NHSL1: variants seen among roughly 807,000 people sequenced by gnomAD.
NHSL1 encodes the protein NHS-like protein 1.
NHSL1 carries 48 observed loss-of-function variants against 95.0 expected under a neutral mutation model. The observed-to-expected ratio is 0.51, with a 90% CI of 0.40 to 0.64. The LOEUF (loss-of-function observed/expected upper bound fraction) is 0.64. Among genes scored for constraint, NHSL1 ranks in the 30% least tolerant of loss-of-function variants. The pLI, the probability that NHSL1 is intolerant of heterozygous loss-of-function variation, is 0.00. For synonymous variants in NHSL1, 783 were observed against 833.9 expected (o/e 0.94, Z 1.05); for missense variants, 1,971 against 2,077.7 (o/e 0.95, Z 1.00).
chr6:138,636,780 A>C (rs1222787964), intron 1 of NHSL1, among the ~76,000 whole-genome samples: 1 of 152,206 alleles, frequency 6.6e-6, no homozygotes, highest in Non-Finnish European at 1.5e-5. Flanking sequence ...AAAATGGAAA[A>C]ATATTCCACG....
intron 2 of NHSL1, among the ~76,000 whole-genome samples, chr6:138,482,476 A>G (rs187744395): frequency 6.6e-6 from 1 of 151,758 alleles, no homozygotes; most frequent in Admixed American, 6.5e-5. Context: ...AGGAGGATGA[A>G]AGTTATCTAG....
intron 3 of NHSL1, among the ~76,000 whole-genome samples, chr6:138,462,785 C>A (rs1044777075): frequency 1.3e-5 from 2 of 152,138 alleles, no homozygotes; most frequent in Non-Finnish European, 2.9e-5. Flanking sequence ...ACCAATCAGG[C>A]TTTAGTGCAA....
At chr6:138,679,179 T>C (rs1190878248) in intron 1 of NHSL1, among the ~76,000 whole-genome samples, 1 of 152,134 alleles carries the variant, frequency 6.6e-6, no homozygotes, top group African/African-American at 2.4e-5. Context: ...ACAGACCCCA[T>C]ATGTTGCCAA....
chr6:138,456,106 T>C (rs1199847638), intron 3 of NHSL1, among the ~76,000 whole-genome samples: 2 of 152,226 alleles, frequency 1.3e-5, no homozygotes, highest in Admixed American at 6.5e-5. Context: ...AGGGTAACTA[T>C]GTAATTTTAT....
In NHSL1 at chr6:138,448,843, G is replaced by A. The variant is rs185132436; in HGVS notation, c.340-1650C>T. Among the ~76,000 whole-genome samples the A allele has an allele frequency of 1.7e-3, 252 of 152,116 alleles. 2 individuals are homozygous for A. Among genetic ancestry groups the A allele is most frequent in the African/African-American group, 5.6e-3 (233 of 41,494 alleles). ...CGAGGTGGGCGGATCACCTGAGGAC[G>A]GGAGCTTGAGACCAGCCTGAGCAAC... is the stretch of plus-strand genomic sequence containing the variant. On this transcript the variant is annotated intron_variant, in intron 3 of 7. Coordinates refer to ENST00000343505, the MANE Select transcript of NHSL1 (RefSeq NM_001144060.2).
chr6:138,615,616 G>A lies in NHSL1; in HGVS notation c.96+76860C>T, dbSNP rs143034891. 2.5e-3 allele frequency among the ~76,000 whole-genome samples: 383 copies of A among 152,296 alleles called. 1 individual carries two copies. The highest frequency in any genetic ancestry group is 0.014 in the South Asian group (68 of 4,818). On this transcript the variant is annotated intron_variant, in intron 1 of 3. Transcript: ENST00000491526. ...CTCCTGAGTAGCTAGGACTACAGGC[G>A]CATGCCACCATGCCTGGCTAATTTT... is the stretch of plus-strand genomic sequence containing the variant.
intron 3 of NHSL1, among the ~76,000 whole-genome samples, chr6:138,462,862 A>G (rs1377996449): frequency 1.3e-5 from 2 of 152,238 alleles, no homozygotes; most frequent in African/African-American, 4.8e-5. Flanking sequence ...AGAAGAAAGG[A>G]GCCAGCAGAG....
At chr6:138,429,515 C>T (rs1404903345) in intron 7 of NHSL1, among the ~76,000 whole-genome samples, 196 bp downstream of exon 7, 1 of 152,128 alleles carries the variant, frequency 6.6e-6, no homozygotes, top group Non-Finnish European at 1.5e-5. Flanking sequence ...TCATAAAAAT[C>T]AGTGAGACAA....
intron 1 of NHSL1, among the ~76,000 whole-genome samples, chr6:138,524,649 C>T (rs1409018814): frequency 6.6e-6 from 1 of 151,952 alleles, no homozygotes; most frequent in East Asian, 1.9e-4. Flanking sequence ...TGAACATTCT[C>T]ATGCATGTCA....
intron 3 of NHSL1, among the ~76,000 whole-genome samples, chr6:138,471,538 TA>T (rs2128245949): frequency 6.6e-6 from 1 of 152,190 alleles, no homozygotes; most frequent in Non-Finnish European, 1.5e-5. Flanking sequence ...CTCAAAGGAG[TA>T]ATCCAATATG....
At chr6:138,425,511 CTTCTT>C (rs1023154713) in intron 7 of NHSL1, among the ~76,000 whole-genome samples, 2 of 152,188 alleles carry the variant, frequency 1.3e-5, no homozygotes, top group African/African-American at 4.8e-5. Context: ...TACGGTCACC[CTTCTT>C]TTGTCTCCAC....
intron 5 of NHSL1, among the ~76,000 whole-genome samples, chr6:138,437,345 C>CAT (rs369191897): frequency 0.74 from 71,628 of 96,328 alleles, 27,766 homozygotes; most frequent in East Asian, 0.91. Context: ...TATATATACA[C>CAT]ATATATATAT....
At chr6:138,575,929 T>C (rs1783962542), upstream of NHSL1, among the ~76,000 whole-genome samples, 1 of 152,094 alleles carries the variant, frequency 6.6e-6, no homozygotes, top group Non-Finnish European at 1.5e-5. Flanking sequence ...TTGCTAACCT[T>C]CACAATAACC....
At chr6:138,566,352 T>C (rs1323783000) in intron 1 of NHSL1, among the ~76,000 whole-genome samples, 2 of 152,016 alleles carry the variant, frequency 1.3e-5, no homozygotes, top group Non-Finnish European at 2.9e-5. Context: ...GAGCCAAGAT[T>C]GTGCCACTGC....
At chr6:138,470,584 C>A (rs1284025400) in intron 3 of NHSL1, 1 of 152,182 alleles carries the variant, frequency 6.6e-6, no homozygotes, top group East Asian at 1.9e-4. Context: ...AGCCACCACG[C>A]CCAATCAAAC....
At chr6:138,586,926 T>C (rs1784143942) in intron 1 of NHSL1, among the ~76,000 whole-genome samples, 2 of 151,918 alleles carry the variant, frequency 1.3e-5, no homozygotes, top group South Asian at 4.2e-4. Flanking sequence ...AAGGTTCTTA[T>C]TCAATAGGTT....
upstream of NHSL1, among the ~76,000 whole-genome samples, chr6:138,572,697 A>C (rs939362511): frequency 6.6e-6 from 1 of 152,238 alleles, no homozygotes; most frequent in Non-Finnish European, 1.5e-5. Flanking sequence ...TCAATACTTC[A>C]GTGGCAGCTC....
rs1162495797 is a variant in NHSL1, at chr6:138,692,018, C to A, written c.96+458G>T. ...AAGCAGCCCCAACGCTCGCCGAGATCCCCAGGGTTTTACAAACGGATCGTC... is the reference window on the plus strand; with the variant it reads ...AAGCAGCCCCAACGCTCGCCGAGATACCCAGGGTTTTACAAACGGATCGTC... On this transcript the variant is annotated intron_variant, in intron 1 of 3. Transcript: ENST00000491526. This position sits in a 1 kb window ranked among gnomAD's most constrained non-coding sequence, Gnocchi z 4.0. 3 of 456,696 alleles carry A rather than the reference C, an allele frequency of 6.6e-6. No homozygotes were observed. Among genetic ancestry groups the A allele is most frequent in the Non-Finnish European group, 8.8e-6 (2 of 226,962 alleles). 28.3% of individuals were successfully genotyped at this position (456,696 alleles called of 1,614,324 possible).
intron 1 of NHSL1, among the ~76,000 whole-genome samples, chr6:138,561,577 A>C (rs1583412524): frequency 6.6e-6 from 1 of 152,132 alleles, no homozygotes. Flanking sequence ...TTTCACATTG[A>C]CTTTGGGAAA....
Sources: allele counts gnomAD v4.1 joint callset (sites outside exome capture counted in the v4.1 genomes callset), GRCh38; gene constraint gnomAD v4.1.1; non-coding constraint Gnocchi (gnomAD v3.1); transcripts MANE v1.5; gene names NCBI Gene and HGNC (gene_info 2026-07-23, HGNC 2026-07-21).